The following OPCML variants were observed in gnomAD, a reference collection of about 807,000 sequenced individuals.
OPCML encodes opioid-binding protein/cell adhesion molecule.
OPCML carries 13 observed loss-of-function variants against 37.8 expected under a neutral mutation model. The observed-to-expected ratio is 0.34, with a 90% confidence interval of 0.22 to 0.55. The LOEUF is 0.55. Ranked by LOEUF, OPCML falls within the 20% of genes least tolerant of loss-of-function variation. The probability of loss-of-function intolerance (pLI) is 0.91; values close to 1 mark genes in which losing one functional copy is unlikely to be tolerated. For synonymous variants in OPCML, 176 were observed against 168.8 expected, an observed-to-expected ratio of 1.04 and a Z score of -0.33; for missense variants, 341 against 435.6, an observed-to-expected ratio of 0.78 and a Z score of 1.93.
intron 1 of OPCML, among the ~76,000 whole-genome samples, chr11:133,483,846 T>C (rs1358514530): frequency 7.8e-6 from 1 of 128,450 alleles, no homozygotes; most frequent in Non-Finnish European, 1.7e-5. Context: ...ACATAGATGA[T>C]AGATGGATAG....
chr11:133,518,953 C>A (rs1232768326), intron 1 of OPCML, among the ~76,000 whole-genome samples: 1 of 152,110 alleles, frequency 6.6e-6, no homozygotes, highest in African/African-American at 2.4e-5. Context: ...CACAGAGGTG[C>A]TTGCCCTGTG....
chr11:132,427,638 T>C (rs946502871), intron 7 of OPCML, among the ~76,000 whole-genome samples: 39 of 152,238 alleles, frequency 2.6e-4, no homozygotes, highest in African/African-American at 9.2e-4. Context: ...AAGAAGTTAA[T>C]ATCAGAAGTT....
intron 1 of OPCML, among the ~76,000 whole-genome samples, chr11:133,207,588 C>G (rs1195383547): frequency 6.6e-6 from 1 of 152,138 alleles, no homozygotes; most frequent in Non-Finnish European, 1.5e-5. Context: ...GGCGGTTGGG[C>G]TAGGGTTAGC....
chr11:132,928,247 T>C (rs1945067430), intron 2 of OPCML, among the ~76,000 whole-genome samples: 2 of 152,002 alleles, frequency 1.3e-5, no homozygotes, highest in African/African-American at 4.8e-5. Context: ...CCAGTTTAGA[T>C]TTAAATGCAC....
chr11:133,125,103 C>G (rs1256043828), intron 1 of OPCML, among the ~76,000 whole-genome samples: 4 of 152,150 alleles, frequency 2.6e-5, no homozygotes, highest in African/African-American at 2.4e-5. Context: ...TACTGATTGG[C>G]TACAATCCTG....
At chr11:132,539,787 G>C (rs2096351320) in intron 3 of OPCML, among the ~76,000 whole-genome samples, 2 of 152,036 alleles carry the variant, frequency 1.3e-5, no homozygotes, top group Non-Finnish European at 2.9e-5. Context: ...GATGACAATA[G>C]TAATGACGGT....
intron 2 of OPCML, among the ~76,000 whole-genome samples, chr11:132,855,555 A>G (rs1334657887): frequency 6.6e-6 from 1 of 152,168 alleles, no homozygotes; most frequent in Non-Finnish European, 1.5e-5. Flanking sequence ...TCCCGGGTTA[A>G]TATATAGGAG....
chr11:132,699,849 T>A (rs1203568788), intron 2 of OPCML, among the ~76,000 whole-genome samples: 1 of 152,090 alleles, frequency 6.6e-6, no homozygotes, highest in East Asian at 1.9e-4. Context: ...ATCTGGGGAA[T>A]ACTGGTCTCA....
chr11:133,503,422 C>T (rs1947959608), intron 1 of OPCML, among the ~76,000 whole-genome samples: 1 of 152,198 alleles, frequency 6.6e-6, no homozygotes, highest in African/African-American at 2.4e-5. Flanking sequence ...ACAGCTCCTC[C>T]AAGCCCAGCT....
At chr11:133,112,079 T>C (rs1464597358) in intron 1 of OPCML, among the ~76,000 whole-genome samples, 2 of 152,086 alleles carry the variant, frequency 1.3e-5, no homozygotes, top group Non-Finnish European at 2.9e-5. Context: ...TTGCATGCAA[T>C]ATTCAAATAA....
At chr11:133,167,468 A>G (rs576811851) in intron 1 of OPCML, among the ~76,000 whole-genome samples, 3 of 151,278 alleles carry the variant, frequency 2.0e-5, no homozygotes, top group Non-Finnish European at 4.4e-5. Context: ...TCTGACCACT[A>G]TGGACCCTGT....
rs139640854 is a variant in OPCML at position 132,786,662 on chromosome 11, A to G, written c.147-129343T>C. 4.4e-3 allele frequency among the ~76,000 whole-genome samples: 674 copies of G among 152,300 alleles called. 5 individuals are homozygous for G. Among genetic ancestry groups the G allele is most frequent in the African/African-American group, 0.015 (629 of 41,566 alleles). ...TATTACAACATAGATTTAGATTGCT[A>G]TAGTTTGTGGACTTAGGTTGTACCA... On this transcript the variant is annotated intron_variant, in intron 2 of 7. Coordinates refer to ENST00000524381, the MANE Select transcript of OPCML (RefSeq NM_001012393.5).
chr11:132,584,177 T>C (rs1565685229), intron 3 of OPCML, among the ~76,000 whole-genome samples: 1 of 152,134 alleles, frequency 6.6e-6, no homozygotes, highest in Non-Finnish European at 1.5e-5. Flanking sequence ...TACCTGAATA[T>C]ATACACATAA....
At chr11:133,201,278 T>G (rs2136319814) in intron 1 of OPCML, among the ~76,000 whole-genome samples, 1 of 146,848 alleles carries the variant, frequency 6.8e-6, no homozygotes, top group South Asian at 2.2e-4. Context: ...TCCTGGAAAT[T>G]AAAAGTTGGA....
At chr11:133,079,986 A>G (rs1422076753) in intron 1 of OPCML, among the ~76,000 whole-genome samples, 2 of 152,252 alleles carry the variant, frequency 1.3e-5, no homozygotes, top group East Asian at 3.8e-4. Flanking sequence ...ACAGTTTTAC[A>G]GAATTAATTC....
intron 4 of OPCML, among the ~76,000 whole-genome samples, chr11:132,452,542 T>G (rs1377929722): frequency 7.1e-6 from 1 of 140,396 alleles, no homozygotes; most frequent in Non-Finnish European, 1.5e-5. Context: ...CCTGCCTGCC[T>G]GCCTGCCTTC....
In OPCML at chr11:133,102,793, A is replaced by C. The variant is rs116651604; in HGVS notation, c.62-159783T>G. On this transcript the variant is annotated intron_variant, in intron 1 of 7. Transcript: ENST00000524381. ...CAAAAACAAACAACAACAACAACAA[A>C]AAAAACTATGCCAAATTTGATTTTG... 8.1e-3 allele frequency among the ~76,000 whole-genome samples: 1,231 copies of C among 151,640 alleles called. 15 individuals carry two copies. Among genetic ancestry groups the C allele is most frequent in the African/African-American group, 0.026 (1,093 of 41,474 alleles).
chr11:132,522,092 T>G (rs2096295316), intron 4 of OPCML, among the ~76,000 whole-genome samples: 1 of 152,244 alleles, frequency 6.6e-6, no homozygotes, highest in South Asian at 2.1e-4. Flanking sequence ...TGCAACCTTT[T>G]GAGACCAACT....
At chr11:132,441,165 G>GGTTTTTTTTTTT (rs2096031824) in intron 4 of OPCML, among the ~76,000 whole-genome samples, 1 of 72,402 alleles carries the variant, frequency 1.4e-5, no homozygotes, top group African/African-American at 1.1e-4. Context: ...GGACTTTTTT[G>GGTTTTTTTTTTT]TTTTTTTTTT....
Sources: allele counts gnomAD v4.1 joint callset (sites outside exome capture counted in the v4.1 genomes callset), GRCh38; gene constraint gnomAD v4.1.1; transcripts MANE v1.5; gene names NCBI Gene and HGNC (gene_info 2026-07-23, HGNC 2026-07-21).